Variants in CEP89 observed in about 807,000 individuals in gnomAD.
CEP89 encodes the protein centrosomal protein of 89 kDa.
CEP89 carries 95 observed loss-of-function variants against 97.6 expected under a neutral mutation model. The observed-to-expected ratio is 0.97, with a 90% confidence interval of 0.82 to 1.15. The LOEUF (loss-of-function observed/expected upper bound fraction) is 1.15. Ranked by LOEUF, CEP89 falls within the 50% of genes most tolerant of loss-of-function variation. CEP89 has a pLI of 0.00. For missense variants in CEP89, 869 were observed against 947.7 expected, an observed-to-expected ratio of 0.92 and a Z score of 1.09; for synonymous variants, 354 against 349.1, an observed-to-expected ratio of 1.01 and a Z score of -0.16.
chr19:32,931,643 A>G (rs1970475469), intron 8 of CEP89, 72 bp from the exon 9 acceptor site: 1 of 1,317,554 alleles, frequency 7.6e-7, no homozygotes, highest in Non-Finnish European at 1.0e-6. Context: ...TAAATTGCAA[A>G]TCGTTTGCTT....
At chr19:32,917,794 C>T in intron 13 of CEP89, 1 of 985,068 alleles carries the variant, frequency 1.0e-6, no homozygotes, top group Non-Finnish European at 1.2e-6. Flanking sequence ...AGTGATGTCG[C>T]CTCCCAGGCC....
intron 2 of CEP89, chr19:32,963,742 T>C (rs1971218277): frequency 6.6e-6 from 1 of 152,218 alleles, no homozygotes; most frequent in South Asian, 2.1e-4. Context: ...CCTCACCCTA[T>C]CTGTGTACCA....
intron 14 of CEP89, among the ~76,000 whole-genome samples, chr19:32,908,908 C>A (rs992818001): frequency 6.6e-6 from 1 of 152,148 alleles, no homozygotes; most frequent in Non-Finnish European, 1.5e-5. Context: ...GTGGGGCAAG[C>A]CTCGAGGTGT....
rs1026947256 is a variant in CEP89, at chr19:32,960,205, A to G, written c.147-147T>C. 19 of 722,642 alleles carry G rather than the reference A, an allele frequency of 2.6e-5. No individual in the cohort carries two copies. In the African/African-American group the frequency reaches 3.3e-4, roughly 13 times the overall value. The allele number at this position is 722,642 out of a possible 1,614,324, so 44.8% of individuals were successfully genotyped here. On this transcript the variant is annotated intron_variant, in intron 2 of 18. Transcript: ENST00000305768. ...CTGCACCCATCATCTACCGCAGGCC[A>G]TCAGACAATCTCATTTGATTCTCAC...
chr19:32,970,059 C>G (rs981900681), intron 1 of CEP89: 1 of 152,356 alleles, frequency 6.6e-6, no homozygotes, highest in Non-Finnish European at 1.5e-5. Context: ...TGCGCAGAGT[C>G]CCTGTGCTTC....
At chr19:32,971,758 C>G in intron 1 of CEP89, 78 bp downstream of exon 1, 2 of 1,474,352 alleles carry the variant, frequency 1.4e-6, no homozygotes, top group South Asian at 1.2e-5. Context: ...TCAGGCCAAA[C>G]CCCAACCCGC....
chr19:32,931,361 T>A, intron 9 of CEP89, 68 bp downstream of exon 9: 1 of 1,356,872 alleles, frequency 7.4e-7, no homozygotes, highest in Middle Eastern at 1.9e-4. Flanking sequence ...CCTCTCAAGA[T>A]TGGAAATCAA....
intron 16 of CEP89, among the ~76,000 whole-genome samples, chr19:32,888,959 G>A (rs987459571): frequency 4.3e-4 from 66 of 152,068 alleles, no homozygotes; most frequent in African/African-American, 1.3e-3. Context: ...ACAGGCACGC[G>A]CCACCATGCC....
chr19:32,919,616 C>T lies in CEP89; in HGVS notation c.1269-1277G>A, dbSNP rs7247838. Among the ~76,000 whole-genome samples, 1,130 of 152,278 alleles carry T rather than the reference C, an allele frequency of 7.4e-3. 9 individuals carry two copies. Among genetic ancestry groups the T allele is most frequent in the Middle Eastern group, 0.02 (6 of 294 alleles). The stretch of plus-strand genomic sequence containing the variant: ...GCCCAAAACTGGTCTGTGCTAGCCT[C>T]CTCATTCCCGCCACAAACTGGGCAG... On this transcript the variant is annotated intron_variant, in intron 12 of 18. Coordinates refer to ENST00000305768, the MANE Select transcript of CEP89 (RefSeq NM_032816.5).
chr19:32,908,693 G>A (rs771571820), intron 14 of CEP89, among the ~76,000 whole-genome samples: 71 of 152,312 alleles, frequency 4.7e-4, no homozygotes, highest in Admixed American at 9.8e-4. Context: ...GCCTCCACTA[G>A]GGAGCCCCTT....
chr19:32,879,365 C>A lies in CEP89; in HGVS notation c.2149G>T (p.Glu717Ter), dbSNP rs1969230580. The change falls in exon 19 of 19, where the codon GAA (glutamate) becomes TAA (stop). Residue 717 changes from glutamate to a stop codon, truncating the protein, a stop_gained. Coordinates refer to ENST00000305768, the MANE Select transcript of CEP89 (RefSeq NM_032816.5). LOFTEE classifies it low-confidence loss of function (END_TRUNC). ...ALQQNREMEG[E>*]LEVIWESTFR... Reference sequence around the variant, plus strand: ...GTAGATTCCCAAATAACTTCAAGTTCACCTTCCATTTCTCTGAGGGAAATA... The same window carrying A: ...GTAGATTCCCAAATAACTTCAAGTTAACCTTCCATTTCTCTGAGGGAAATA... 1 of 1,613,830 alleles carries A rather than the reference C, an allele frequency of 6.2e-7. No individual in the cohort carries two copies. Among genetic ancestry groups the A allele is most frequent in the East Asian group, 2.2e-5 (1 of 44,880 alleles).
chr19:32,956,379 T>G (rs955019755), intron 3 of CEP89, among the ~76,000 whole-genome samples: 12 of 151,430 alleles, frequency 7.9e-5, no homozygotes, highest in Admixed American at 6.6e-4. Flanking sequence ...TATTTTTGTT[T>G]TTTTTTTTGA....
intron 13 of CEP89, chr19:32,917,687 G>A: frequency 2.0e-6 from 1 of 488,412 alleles, no homozygotes; most frequent in Non-Finnish European, 2.7e-6. Flanking sequence ...GTTGTGCACT[G>A]TCACAGACTA....
chr19:32,971,490 C>T (rs953910014), intron 1 of CEP89: 2 of 544,774 alleles, frequency 3.7e-6, no homozygotes, highest in African/African-American at 1.9e-5. Flanking sequence ...TCCCTGTTTC[C>T]ACAAAAATAT....
intron 3 of CEP89, 91 bp downstream of exon 3, chr19:32,959,809 A>G: frequency 2.2e-6 from 3 of 1,348,096 alleles, no homozygotes; most frequent in Non-Finnish European, 3.1e-6. Context: ...ATGCACACAC[A>G]TGTACGCATG....
rs574742044 is a variant in CEP89 at position 32,911,014 on chromosome 19, G to A, written c.1565+4323C>T. Among the ~76,000 whole-genome samples the A allele has an allele frequency of 2.0e-5, 3 of 152,330 alleles. No homozygotes were observed. In the East Asian group the frequency reaches 5.8e-4, roughly 29 times the overall value. On this transcript the variant is annotated intron_variant, in intron 14 of 18. Coordinates refer to ENST00000305768, the MANE Select transcript of CEP89 (RefSeq NM_032816.5). ...CTATCATTATCAAGTATTATGTACT[G>A]TCCATAACTGCATGTGCTAGGCTTT...
chr19:32,879,042 C>G lies in CEP89; in HGVS notation c.*120G>C. 1.4e-6 allele frequency: 1 copy of G among 701,052 alleles called. No homozygotes were observed. The highest frequency in any genetic ancestry group is 2.4e-6 in the Non-Finnish European group (1 of 410,480). 43.4% of individuals were successfully genotyped at this position (701,052 alleles called of 1,614,324 possible). ...TGAGACCATTTATTTCTTCCCTGCC[C>G]TGCAGCGTTCAGTGGGCTTACGCAC... On this transcript the variant is annotated 3_prime_UTR_variant, in exon 19 of 19. Transcript: ENST00000305768.
rs1001558922 is a variant in CEP89, at chr19:32,939,962, G to A, written c.596-77C>T. The A allele has an allele frequency of 4.2e-6, 3 of 718,638 alleles. No homozygotes were observed. In the South Asian group the frequency reaches 4.8e-5, roughly 11 times the overall value. 44.5% of individuals were successfully genotyped at this position (718,638 alleles called of 1,614,324 possible). ...TGACAACTCAGAAAGTACAATCATA[G>A]AAATTCACCTTCTACAGAGGAGCTC... On this transcript the variant is annotated intron_variant, in intron 5 of 18. Coordinates refer to ENST00000305768, the MANE Select transcript of CEP89 (RefSeq NM_032816.5).
At chr19:32,889,643 C>T (rs980154532) in intron 16 of CEP89, among the ~76,000 whole-genome samples, 19 of 152,216 alleles carry the variant, frequency 1.2e-4, no homozygotes, top group African/African-American at 2.6e-4. Flanking sequence ...ATCCTGACTT[C>T]GTTGTGGAAG....
Sources: allele counts gnomAD v4.1 joint callset (sites outside exome capture counted in the v4.1 genomes callset), GRCh38; gene constraint gnomAD v4.1.1; transcripts MANE v1.5; gene names NCBI Gene and HGNC (gene_info 2026-07-23, HGNC 2026-07-21).